Variants in USP35 observed in about 807,000 individuals in gnomAD.
USP35 encodes ubiquitin specific peptidase 35.
USP35 carries 69 observed loss-of-function variants against 83.8 expected under a neutral mutation model. The observed-to-expected ratio is 0.82, with a 90% CI of 0.68 to 1.01. The LOEUF (loss-of-function observed/expected upper bound fraction) is 1.01, where lower values mean the gene tolerates loss of function less well. Among genes scored for constraint, USP35 ranks in the 50% least tolerant of loss-of-function variants. USP35 has a pLI of 0.00. For synonymous variants in USP35, 714 were observed against 589.5 expected, an observed-to-expected ratio of 1.21 and a Z score of -3.06; for missense variants, 1,503 against 1,362.5, an observed-to-expected ratio of 1.10 and a Z score of -1.62.
chr11:78,198,335 C>T (rs1348755094), intron 3 of USP35, among the ~76,000 whole-genome samples: 1 of 152,230 alleles, frequency 6.6e-6, no homozygotes, highest in African/African-American at 2.4e-5. Context: ...AGCTCTCAGC[C>T]TCAGTTTCCC....
chr11:78,203,782 G>C (rs1339492821), intron 6 of USP35, among the ~76,000 whole-genome samples: 1 of 148,920 alleles, frequency 6.7e-6, no homozygotes, highest in African/African-American at 2.5e-5. Context: ...GTTTCACTGT[G>C]TTAGCCAGGA....
In USP35 at chr11:78,210,631, C is replaced by G. The variant is rs541989661; in HGVS notation, c.2776C>G (p.Arg926Gly). ...DTAYVLFYRQ[R>G]PREGPEAELG... ...AGCCTATGTGCTGTTTTACCGGCAG[C>G]GGCCCAGGGAGGGGCCCGAGGCTGA... The change falls in exon 10 of 11, where the codon CGG becomes GGG. Residue 926 changes from arginine (R) to glycine (G), a missense_variant. By Grantham distance (125) the Arg-to-Gly change is moderately radical. Transcript: ENST00000529308. The G allele has an allele frequency of 6.2e-6, 10 of 1,614,120 alleles. No homozygotes were observed. Among genetic ancestry groups the G allele is most frequent in the Non-Finnish European group, 8.5e-6 (10 of 1,179,964 alleles).
chr11:78,220,512 C>T, the USP35 span: 4 of 1,384,702 alleles, frequency 2.9e-6, no homozygotes. Flanking sequence ...CAGAAAAACA[C>T]CTCTGGGAGT....
At position 78,189,076 on chromosome 11, in the gene USP35, T is replaced by C. The variant is rs1862918004; in HGVS notation, c.-92T>C. 3 of 599,804 alleles carry C rather than the reference T, an allele frequency of 5.0e-6. No individual in the cohort carries two copies. Among genetic ancestry groups the C allele is most frequent in the South Asian group, 7.2e-5 (1 of 13,908 alleles). 37.2% of individuals were successfully genotyped at this position (599,804 alleles called of 1,614,324 possible). ...CCTGGGGGGAGCAGAGGACCAGCCC[T>C]GACCTAGCCGGGCCCAGCCTCGTCC... On this transcript the variant is annotated 5_prime_UTR_variant, in exon 1 of 11. Transcript: ENST00000529308.
chr11:78,235,245 C>T, the USP35 span, among the ~76,000 whole-genome samples: 1,845 of 151,986 alleles, frequency 0.012, 42 homozygotes, highest in African/African-American at 0.042. Context: ...CTCCGCCTCC[C>T]GGGTTCACGC....
the USP35 span, among the ~76,000 whole-genome samples, chr11:78,226,109 C>T: frequency 6.6e-6 from 1 of 152,196 alleles, no homozygotes; most frequent in African/African-American, 2.4e-5. Flanking sequence ...GACTGATCTT[C>T]TGAATTTATT....
At chr11:78,222,171 C>T in the USP35 span, 3 of 1,613,952 alleles carry the variant, frequency 1.9e-6, no homozygotes, top group South Asian at 3.3e-5. Context: ...GGTGTTGTTC[C>T]TCAGGTCAAG....
rs570651078 is a variant in USP35, at chr11:78,203,590, T to A, written c.1198-2252T>A. 1.3e-3 allele frequency among the ~76,000 whole-genome samples: 205 copies of A among 152,250 alleles called. 1 individual carries two copies. Among genetic ancestry groups the A allele is most frequent in the Admixed American group, 4.3e-3 (66 of 15,304 alleles). On this transcript the variant is annotated intron_variant, in intron 6 of 10. Transcript: ENST00000529308. ...TACATGTTTTAATATTACATTTTTT[T>A]TTTTTTGAGACAGAGTCTTGCTCTG...
Position 78,196,764 on chromosome 11 carries a change from C to A in USP35, c.519C>A (p.Gly173=). The A allele has an allele frequency of 5.2e-6, 8 of 1,532,972 alleles. No individual in the cohort carries two copies. Among genetic ancestry groups the A allele is most frequent in the Non-Finnish European group, 7.0e-6 (8 of 1,145,584 alleles). 95.0% of individuals were successfully genotyped at this position (1,532,972 alleles called of 1,614,324 possible). A position where few individuals can be genotyped will look rare whatever the true frequency, so the allele number is the denominator to read the frequency against. The change falls in exon 2 of 11, where the codon GGC becomes GGA. Residue 173 remains glycine, a synonymous_variant. Coordinates refer to ENST00000529308, the MANE Select transcript of USP35 (RefSeq NM_020798.4). The surrounding 1 kb of genome is among the most constrained non-coding windows in gnomAD (Gnocchi z 4.8). ...GCCAGCAGCTGGTGCGTTGCCTCGG[C>A]CGCTTCCGCTGCCCAGCCGAAGGCG... The part of the protein sequence containing the change: ...LFCQQLVRCL[G]RFRCPAEGEE...
intron 6 of USP35, among the ~76,000 whole-genome samples, chr11:78,202,686 T>A (rs2137040446): frequency 6.6e-6 from 1 of 152,346 alleles, no homozygotes; most frequent in South Asian, 2.1e-4. Flanking sequence ...AAGAACTTTT[T>A]GATAATCAAA....
At chr11:78,221,666 G>A in the USP35 span, 23 of 1,570,162 alleles carry the variant, frequency 1.5e-5, no homozygotes, top group African/African-American at 5.4e-5. Flanking sequence ...AGCGAAGCCC[G>A]AAGGACTCAC....
intron 3 of USP35, 151 bp downstream of exon 3, chr11:78,198,219 C>T (rs1426979040): frequency 5.4e-6 from 7 of 1,299,650 alleles, no homozygotes; most frequent in Non-Finnish European, 7.4e-6. Flanking sequence ...CTTTCTTGAG[C>T]CCTGCTCTGT....
At chr11:78,200,879 C>T (rs1863334009) in intron 6 of USP35, 71 bp downstream of exon 6, 1 of 1,515,468 alleles carries the variant, frequency 6.6e-7, no homozygotes, top group Admixed American at 2.2e-5. Context: ...TTCCAGCGGG[C>T]CATACCACAG....
the USP35 span, among the ~76,000 whole-genome samples, chr11:78,220,946 G>T: frequency 2.6e-5 from 4 of 152,188 alleles, no homozygotes; most frequent in Non-Finnish European, 4.4e-5. Context: ...GGCCTAGAGT[G>T]GGGTAGTCAC....
rs1174342169 is a variant in USP35, at chr11:78,196,453, C to A, written c.208C>A (p.Arg70Ser). The A allele has an allele frequency of 4.8e-6, 6 of 1,261,652 alleles. No individual in the cohort carries two copies. Among genetic ancestry groups the A allele is most frequent in the Non-Finnish European group, 5.0e-6 (5 of 1,003,664 alleles). 78.2% of individuals were successfully genotyped at this position (1,261,652 alleles called of 1,614,324 possible). The change falls in exon 2 of 11, where the codon CGC becomes AGC. Residue 70 changes from arginine (R) to serine (S), a missense_variant. Physicochemically the swap from Arg to Ser is moderately radical, Grantham distance 110. Coordinates refer to ENST00000529308, the MANE Select transcript of USP35 (RefSeq NM_020798.4). This position sits in a 1 kb window ranked among gnomAD's most constrained non-coding sequence, Gnocchi z 4.8. ...CTGCCAGCTGCTGCACGTGGCCGGC[C>A]GCCACCACCCCGACGTCTTCGCCGA... ...VGCQLLHVAG[R>S]HHPDVFAEFF...
chr11:78,223,545 T>A, the USP35 span: 3 of 1,613,696 alleles, frequency 1.9e-6, no homozygotes, highest in South Asian at 3.3e-5. Context: ...CTGGGCTCAT[T>A]GGGATGTAGA....
At chr11:78,215,788 T>G (rs1017564784), downstream of USP35, 29 of 152,638 alleles carry the variant, frequency 1.9e-4, no homozygotes, top group African/African-American at 6.5e-4. Flanking sequence ...GGAAGGGCTT[T>G]AGCGCTCCTG....
At chr11:78,219,057 C>G, downstream of USP35, 1 of 540,486 alleles carries the variant, frequency 1.9e-6, no homozygotes, top group South Asian at 2.7e-5. Flanking sequence ...TGATAAAAAT[C>G]ACAGCTGGGC....
chr11:78,199,604 C>T lies in USP35; in HGVS notation c.816C>T (p.Asp272=), dbSNP rs1863272666. The stretch of plus-strand genomic sequence containing the variant: ...TCACTCCCCTCACCAGGATGATTGA[C>T]TGGGTGTCCTGGCCCCTGGGGAAGA... ...QMLTAISRMI[D]WVSWPLGKNI... The change falls in exon 4 of 11, where the codon GAC becomes GAT. Residue 272 remains aspartate (D), a synonymous_variant. Coordinates refer to ENST00000529308, the MANE Select transcript of USP35 (RefSeq NM_020798.4). The T allele has an allele frequency of 2.5e-6, 4 of 1,614,066 alleles. No individual in the cohort carries two copies. In the East Asian group the frequency reaches 8.9e-5, roughly 36 times the overall value.
Sources: gnomAD v4.1 joint callset for allele counts (sites outside exome capture counted in the v4.1 genomes callset) on GRCh38, gnomAD v4.1.1 for gene constraint, Gnocchi (gnomAD v3.1) non-coding constraint, MANE v1.5 for transcripts, NCBI Gene and HGNC (gene_info 2026-07-23, HGNC 2026-07-21) for gene names.